The following LSR variants were observed in gnomAD, a reference collection of about 807,000 sequenced individuals.
The protein encoded by LSR is lipolysis stimulated lipoprotein receptor.
A neutral mutation model predicts 61.8 loss-of-function variants in LSR; 44 were observed. The ratio of observed to expected loss-of-function variants is 0.71; its 90% CI spans 0.56 to 0.91. The LOEUF (loss-of-function observed/expected upper bound fraction) is 0.91. Ranked by LOEUF, LSR falls within the 40% of genes least tolerant of loss-of-function variation. The pLI, the probability that LSR is intolerant of heterozygous loss-of-function variation, is 0.00. For missense variants in LSR, 911 were observed against 830.5 expected (o/e 1.10, Z -1.19); for synonymous variants, 397 against 350.6 (o/e 1.13, Z -1.48).
rs139389684 is a variant in LSR, at chr19:35,262,388, C to T, written c.632-158C>T. Among the ~76,000 whole-genome samples, 102 of 152,290 alleles carry T rather than the reference C, an allele frequency of 6.7e-4. No individual in the cohort carries two copies. In the Middle Eastern group the frequency reaches 0.01, roughly 15 times the overall value. ...GAATGGGGAGTGTGCTGTGCCCAGC[C>T]TCTGGCACAAAAAATCCAGCCAGGG... On this transcript the variant is annotated intron_variant, in intron 4 of 9. Coordinates refer to ENST00000605618, the MANE Select transcript of LSR (RefSeq NM_205834.4).
intron 2 of LSR, 138 bp downstream of exon 2, chr19:35,250,797 T>A: frequency 2.8e-6 from 1 of 363,478 alleles, no homozygotes. Context: ...GAGCAATTCT[T>A]TTTTTTTTTT....
chr19:35,251,007 G>A (rs1295088874), intron 2 of LSR, among the ~76,000 whole-genome samples: 1 of 152,078 alleles, frequency 6.6e-6, no homozygotes, highest in East Asian at 1.9e-4. Flanking sequence ...TGTTGGCCAG[G>A]CTGGTCTCAA....
Position 35,267,121 on chromosome 19 carries a change from T to C in LSR, c.1157T>C (p.Val386Ala). ...CCCTTCCCTGCAGCCATGAGTGAAGTCACCTCCCTCCACGAGGACGACTGG... is the reference window on the plus strand; with the variant it reads ...CCCTTCCCTGCAGCCATGAGTGAAGCCACCTCCCTCCACGAGGACGACTGG... ...SGRVERAMSE[V>A]TSLHEDDWRS... The change falls in exon 9 of 10, where the codon GTC becomes GCC. Residue 386 changes from valine to alanine, a missense_variant. Coordinates refer to ENST00000605618, the MANE Select transcript of LSR (RefSeq NM_205834.4). 2 of 1,528,014 alleles carry C rather than the reference T, an allele frequency of 1.3e-6. No homozygotes were observed. The highest frequency in any genetic ancestry group is 1.8e-6 in the Non-Finnish European group (2 of 1,142,210). 94.7% of individuals were successfully genotyped at this position (1,528,014 alleles called of 1,614,324 possible).
intron 3 of LSR, chr19:35,259,302 C>T (rs1200669723): frequency 2.4e-6 from 1 of 414,678 alleles, no homozygotes; most frequent in African/African-American, 2.1e-5. Flanking sequence ...AGAGTGGAGA[C>T]AATTGGAGAC....
At chr19:35,252,045 G>A (rs931125766) in intron 2 of LSR, among the ~76,000 whole-genome samples, 4 of 150,530 alleles carry the variant, frequency 2.7e-5, no homozygotes, top group African/African-American at 7.3e-5. Flanking sequence ...CGTTTTAGCC[G>A]GGATGGTCTC....
At chr19:35,260,833 A>AAC (rs139397551) in intron 3 of LSR, among the ~76,000 whole-genome samples, 3,506 of 149,320 alleles carry the variant, frequency 0.023, 108 homozygotes, top group African/African-American at 0.072. Flanking sequence ...AAGAAACACA[A>AAC]ACACACACAC....
In LSR at chr19:35,251,116, T is replaced by C. The variant is rs146014240; in HGVS notation, c.454+457T>C. 7.3e-3 allele frequency among the ~76,000 whole-genome samples: 1,117 copies of C among 152,294 alleles called. 14 individuals are homozygous for C. The highest frequency in any genetic ancestry group is 0.026 in the African/African-American group (1,073 of 41,550). The stretch of plus-strand genomic sequence containing the variant: ...AGCGATTCTATTCTACTATTCTTCC[T>C]TCTGCTAATCCTTCCATTCTTTAAT... On this transcript the variant is annotated intron_variant, in intron 2 of 9. Coordinates refer to ENST00000605618, the MANE Select transcript of LSR (RefSeq NM_205834.4).
rs372088679 is a variant in LSR at position 35,267,349 on chromosome 19, G to T, written c.1385G>T (p.Ser462Ile). 1 of 1,569,212 alleles carries T rather than the reference G, an allele frequency of 6.4e-7. No individual in the cohort carries two copies. The highest frequency in any genetic ancestry group is 1.1e-5 in the South Asian group (1 of 87,434). The change falls in exon 9 of 10, where the codon AGC (serine) becomes ATC (isoleucine). Residue 462 changes from serine to isoleucine, a missense_variant. Transcript: ENST00000605618. Reference sequence around the variant, plus strand: ...CCGCCGAGCACCGCCGAGTCAGGGAGCAGGTCTCCCACGAGTAATGGTGGG... The same window carrying T: ...CCGCCGAGCACCGCCGAGTCAGGGATCAGGTCTCCCACGAGTAATGGTGGG... ...LTPPSTAESG[S>I]RSPTSNGGRS...
At position 35,266,426 on chromosome 19, in the gene LSR, C is replaced by A; in HGVS notation, c.846C>A (p.His282Gln). The A allele has an allele frequency of 1.2e-6, 2 of 1,612,258 alleles. No homozygotes were observed. The highest frequency in any genetic ancestry group is 1.7e-6 in the Non-Finnish European group (2 of 1,178,942). The change falls in exon 6 of 10, where the codon CAC (histidine) becomes CAA (glutamine). Residue 282 changes from histidine (H) to glutamine (Q), a missense_variant. His to Gln is a conservative substitution (Grantham distance 24). Coordinates refer to ENST00000605618, the MANE Select transcript of LSR (RefSeq NM_205834.4). ...TTTATGCCCCCAGCACCTATGCCCA[C>A]CTGTCTCCCGCCAAGACCCCACCCC... ...PSIYAPSTYAHLSPAKTPPPP... is the reference protein window; with the variant it reads ...PSIYAPSTYAQLSPAKTPPPP...
intron 3 of LSR, among the ~76,000 whole-genome samples, chr19:35,260,944 G>A (rs1337385335): frequency 6.6e-6 from 1 of 152,204 alleles, no homozygotes; most frequent in Non-Finnish European, 1.5e-5. Context: ...AAGTGAAAAA[G>A]GCAAATAACA....
chr19:35,266,853 A>C lies in LSR; in HGVS notation c.1030A>C (p.Arg344=). Reference sequence around the variant, plus strand: ...GTCCCTAGAAGTCCGCAGTGGCTACAGGATTCAGGCCAGCCAGCAGGACGA... The same window carrying C: ...GTCCCTAGAAGTCCGCAGTGGCTACCGGATTCAGGCCAGCCAGCAGGACGA... ...SVASEVRSGY[R]IQASQQDDSM... The change falls in exon 8 of 10, where the codon AGG becomes CGG. Residue 344 remains arginine (R), a synonymous_variant. Coordinates refer to ENST00000605618, the MANE Select transcript of LSR (RefSeq NM_205834.4). 1 of 1,609,882 alleles carries C rather than the reference A, an allele frequency of 6.2e-7. No homozygotes were observed. Among genetic ancestry groups the C allele is most frequent in the Non-Finnish European group, 8.5e-7 (1 of 1,178,204 alleles).
chr19:35,256,977 C>T (rs1034319859), intron 2 of LSR, among the ~76,000 whole-genome samples: 1 of 152,108 alleles, frequency 6.6e-6, no homozygotes, highest in Non-Finnish European at 1.5e-5. Flanking sequence ...GCTGGGACTA[C>T]AGGTGCGTGC....
chr19:35,262,098 C>G, intron 4 of LSR, 117 bp downstream of exon 4: 1 of 959,242 alleles, frequency 1.0e-6, no homozygotes. Flanking sequence ...GGACCCCTCA[C>G]TAACCTGGCC....
At chr19:35,250,127 C>A (rs1329805659) in intron 1 of LSR, among the ~76,000 whole-genome samples, 188 bp from the exon 2 acceptor site, 1 of 152,156 alleles carries the variant, frequency 6.6e-6, no homozygotes, top group African/African-American at 2.4e-5. Context: ...CACTTCAGCC[C>A]CACGGGTCTA....
intron 5 of LSR, chr19:35,264,848 A>G (rs1042065810): frequency 6.6e-6 from 1 of 151,978 alleles, no homozygotes; most frequent in South Asian, 2.1e-4. Context: ...ACCTATATAA[A>G]ATATTCTACG....
intron 1 of LSR, 169 bp downstream of exon 1, chr19:35,249,300 C>T: frequency 1.2e-6 from 1 of 801,786 alleles, no homozygotes; most frequent in Non-Finnish European, 1.8e-6. Context: ...GAGGAATTCC[C>T]CATTTGTGCC....
At chr19:35,262,003 T>C (rs750194483) in intron 4 of LSR, 22 bp downstream of exon 4, 3 of 1,521,124 alleles carry the variant, frequency 2.0e-6, no homozygotes, top group East Asian at 5.2e-5. Context: ...GGATCCTGAG[T>C]TGGGCTTCTC....
chr19:35,259,009 C>G lies in LSR; in HGVS notation c.519C>G (p.Val173=), dbSNP rs767710514. 2.5e-6 allele frequency: 4 copies of G among 1,613,978 alleles called. No homozygotes were observed. In the South Asian group the frequency reaches 4.4e-5, roughly 18 times the overall value. The stretch of plus-strand genomic sequence containing the variant: ...GTGGTGTGTATTACTGCTCCGTGGT[C>G]TCAGCCCAGGACCTCCAGGGGAACA... ...GDSGVYYCSV[V]SAQDLQGNNE... is the part of the protein sequence containing the mutation. The change falls in exon 3 of 10, where the codon GTC becomes GTG. Residue 173 remains valine, a synonymous_variant. Coordinates refer to ENST00000605618, the MANE Select transcript of LSR (RefSeq NM_205834.4).
intron 5 of LSR, among the ~76,000 whole-genome samples, chr19:35,263,575 T>C (rs923632296): frequency 2.6e-5 from 4 of 152,108 alleles, no homozygotes; most frequent in African/African-American, 7.2e-5. Flanking sequence ...TTGCCCAGCC[T>C]GATCTCAAAC....
Sources: gnomAD v4.1 joint callset for allele counts (sites outside exome capture counted in the v4.1 genomes callset) on GRCh38, gnomAD v4.1.1 for gene constraint, MANE v1.5 for transcripts, NCBI Gene and HGNC (gene_info 2026-07-23, HGNC 2026-07-21) for gene names.